Variants in STRN4 observed in about 807,000 individuals in gnomAD.
The protein encoded by STRN4 is striatin 4, also known as striatin-4.
Under a neutral mutation model 77.9 loss-of-function variants are expected in STRN4, and 27 were observed. The observed-to-expected ratio is 0.35, with a 90% CI of 0.26 to 0.48. STRN4 has a LOEUF of 0.48. Among genes scored for constraint, STRN4 ranks in the 20% least tolerant of loss-of-function variants. The pLI is 0.99. For synonymous variants in STRN4, 466 were observed against 443.1 expected (o/e 1.05, Z -0.65); for missense variants, 798 against 1,049.7 (o/e 0.76, Z 3.31).
At chr19:46,734,591 G>C (rs752397358) in intron 4 of STRN4, among the ~76,000 whole-genome samples, 3 of 152,138 alleles carry the variant, frequency 2.0e-5, no homozygotes, top group Non-Finnish European at 4.4e-5. Context: ...TTCCTCCATA[G>C]GACCAAAGGA....
chr19:46,733,087 C>G lies in STRN4; in HGVS notation c.689G>C (p.Ser230Thr). 6.2e-7 allele frequency: 1 copy of G among 1,613,664 alleles called. No homozygotes were observed. Among genetic ancestry groups the G allele is most frequent in the Non-Finnish European group, 8.5e-7 (1 of 1,179,876 alleles). Residue 230 changes from serine (S) to threonine (T), a missense_variant, in exon 5 of 18, where the codon AGT (serine) becomes ACT (threonine). Coordinates refer to ENST00000263280, the MANE Select transcript of STRN4 (RefSeq NM_013403.3). This position sits in a 1 kb window ranked among gnomAD's most constrained non-coding sequence, Gnocchi z 4.3. ...PRAPPGPAGL[S>T]GGESLLVKQI... ...TTTCACCAGCAGCGACTCCCCACCA[C>G]TGAGCCCTGCAGGGCCTGGTGGAGC... is the stretch of plus-strand genomic sequence containing the variant.
intron 5 of STRN4, 77 bp downstream of exon 5, chr19:46,732,962 A>C: frequency 6.6e-7 from 1 of 1,516,140 alleles, no homozygotes; most frequent in Non-Finnish European, 8.9e-7. Flanking sequence ...CAGCGCCATC[A>C]GCTGACACTC....
Position 46,727,925 on chromosome 19 carries a change from A to G in STRN4, c.1122T>C (p.Pro374=). The change falls in exon 8 of 18, where the codon CCT becomes CCC. Residue 374 remains proline (P), a synonymous_variant. Transcript: ENST00000263280. ...DGLPPKVTGP[P]PGTPQPRPHE... ...GTGGCCGGGGCTGGGGTGTGCCAGG[A>G]GGCGGGCCAGTCACTTTTGGGGGCA... 1 of 1,612,482 alleles carries G rather than the reference A, an allele frequency of 6.2e-7. No individual in the cohort carries two copies. The highest frequency in any genetic ancestry group is 8.5e-7 in the Non-Finnish European group (1 of 1,179,110).
intron 17 of STRN4, 24 bp downstream of exon 17, chr19:46,720,512 A>C: frequency 7.1e-7 from 1 of 1,400,952 alleles, no homozygotes; most frequent in Non-Finnish European, 9.4e-7. Context: ...GCAGAGACTC[A>C]GAATGCGGGG....
intron 16 of STRN4, chr19:46,721,781 C>T (rs532217077): frequency 3.2e-5 from 18 of 566,646 alleles, no homozygotes; most frequent in Admixed American, 3.1e-4. Context: ...GCTTAGAGGC[C>T]GAATGAGACG....
intron 1 of STRN4, among the ~76,000 whole-genome samples, chr19:46,743,609 TCTACCGAC>T: frequency 6.6e-6 from 1 of 152,084 alleles, no homozygotes; most frequent in South Asian, 2.1e-4. Context: ...GGCTTAAAAG[TCTACCGAC>T]GGTCGGGCAT....
intron 16 of STRN4, 98 bp downstream of exon 16, chr19:46,721,888 T>C (rs2053985917): frequency 1.5e-6 from 2 of 1,369,858 alleles, no homozygotes; most frequent in Non-Finnish European, 1.0e-6. Context: ...CCCCCAGCCC[T>C]GGCCCCCGGG....
At chr19:46,743,666 G>A (rs1224954772) in intron 1 of STRN4, among the ~76,000 whole-genome samples, 1 of 152,114 alleles carries the variant, frequency 6.6e-6, no homozygotes, top group African/African-American at 2.4e-5. Flanking sequence ...TTGGGAGGCC[G>A]AGGCAGGTGG....
At chr19:46,724,678 CAG>C (rs747766465) in intron 12 of STRN4, 127 bp downstream of exon 12, 42 of 1,395,704 alleles carry the variant, frequency 3.0e-5, no homozygotes, top group African/African-American at 7.1e-5. Flanking sequence ...ACAGAGCAGA[CAG>C]GGGAGCCGTC....
intron 1 of STRN4, among the ~76,000 whole-genome samples, chr19:46,743,776 A>G (rs1424334546): frequency 6.6e-6 from 1 of 151,910 alleles, no homozygotes; most frequent in Non-Finnish European, 1.5e-5. Flanking sequence ...GGTGGTGCAC[A>G]CCTGTAATCC....
At chr19:46,739,142 A>C (rs1052233735) in intron 1 of STRN4, among the ~76,000 whole-genome samples, 4 of 152,168 alleles carry the variant, frequency 2.6e-5, no homozygotes, top group Non-Finnish European at 4.4e-5. Flanking sequence ...CTGAGATAAC[A>C]ATGGGGCCAG....
chr19:46,745,224 T>C (rs1291044922), intron 1 of STRN4, among the ~76,000 whole-genome samples: 3 of 151,936 alleles, frequency 2.0e-5, no homozygotes, highest in African/African-American at 7.3e-5. Context: ...ACCTACATCC[T>C]ACAACACACG....
In STRN4 at chr19:46,728,025, A is replaced by G. The variant is rs745760263; in HGVS notation, c.1040-18T>C. ...ACGGCTTTCTGCAGGGTCGAGGCAT[A>G]GGGCCGGAGTCACCCAGCAGTTCCA... is the stretch of plus-strand genomic sequence containing the variant. On this transcript the variant is annotated intron_variant, in intron 7 of 17. Transcript: ENST00000263280. 3 of 1,609,986 alleles carry G rather than the reference A, an allele frequency of 1.9e-6. No individual in the cohort carries two copies. The highest frequency in any genetic ancestry group is 2.5e-6 in the Non-Finnish European group (3 of 1,178,216).
chr19:46,725,542 G>A lies in STRN4; in HGVS notation c.1355C>T (p.Ala452Val), dbSNP rs2054090834. 6.2e-7 allele frequency: 1 copy of A among 1,614,106 alleles called. No individual in the cohort carries two copies. The highest frequency in any genetic ancestry group is 8.5e-7 in the Non-Finnish European group (1 of 1,180,050). The change falls in exon 10 of 18, where the codon GCT becomes GTT. Residue 452 changes from alanine to valine, a missense_variant. This residue lies in a region of STRN4 where 287 missense variants were observed against 473.8 expected (regional missense o/e 0.61). Coordinates refer to ENST00000263280, the MANE Select transcript of STRN4 (RefSeq NM_013403.3). ...GCCGTCCTCGGAGGCGGTGAGCAGA[G>A]CCGACTGGCTGTGGTGGAAGGCCAG... ...RSLAFHHSQSALLTASEDGTL... is the reference protein window; with the variant it reads ...RSLAFHHSQSVLLTASEDGTL...
At position 46,738,138 on chromosome 19, in the gene STRN4, C is replaced by G; in HGVS notation, c.460+26G>C. 6.2e-7 allele frequency: 1 copy of G among 1,611,298 alleles called. No homozygotes were observed. Among genetic ancestry groups the G allele is most frequent in the South Asian group, 1.1e-5 (1 of 91,042 alleles). ...CTCAGCTTCTGCGGGAGGGTGCCGA[C>G]AGTGCGAGCATCAGAGGGTGGGTAC... On this transcript the variant is annotated intron_variant, in intron 3 of 17. Transcript: ENST00000263280. The surrounding 1 kb of genome is among the most constrained non-coding windows in gnomAD (Gnocchi z 4.5).
In STRN4 at chr19:46,738,407, C is replaced by T. The variant is rs2054411811; in HGVS notation, c.387-170G>A. Among the ~76,000 whole-genome samples, 1 of 152,100 alleles carries T rather than the reference C, an allele frequency of 6.6e-6. No individual in the cohort carries two copies. The highest frequency in any genetic ancestry group is 2.1e-4 in the South Asian group (1 of 4,832). On this transcript the variant is annotated intron_variant, in intron 2 of 17. Transcript: ENST00000263280. This position sits in a 1 kb window ranked among gnomAD's most constrained non-coding sequence, Gnocchi z 4.5. ...CCCTGGCCTGGTGGAAGAAACCACT[C>T]CCTGGAGTCAGGCAACCTAGGTTGC...
intron 3 of STRN4, among the ~76,000 whole-genome samples, chr19:46,737,900 C>G (rs1392547368): frequency 6.6e-6 from 1 of 152,178 alleles, no homozygotes; most frequent in Non-Finnish European, 1.5e-5. Flanking sequence ...GCCCACTCCT[C>G]GCAAAGGGAT....
rs753642535 is a variant in STRN4, at chr19:46,727,464, G to A, written c.1236C>T (p.Asp412=). Residue 412 remains aspartate (D), a synonymous_variant, in exon 9 of 18, where the codon GAC becomes GAT. Transcript: ENST00000263280. ...CCGGAGAACTTACATCGCAGCTGAG[G>A]TCGTTGTCGTTGGTGACGGTGAGAT... ...LADLTVTNDN[D]LSCDLSDSKD... 6.8e-6 allele frequency: 11 copies of A among 1,613,798 alleles called. No individual in the cohort carries two copies. In the African/African-American group the frequency reaches 1.3e-4, roughly 20 times the overall value.
At chr19:46,742,436 G>A (rs753438189) in intron 1 of STRN4, among the ~76,000 whole-genome samples, 2 of 152,178 alleles carry the variant, frequency 1.3e-5, no homozygotes, top group Non-Finnish European at 2.9e-5. Flanking sequence ...GCTCTTAAGG[G>A]ATCTCACAGG....
Sources: allele counts gnomAD v4.1 joint callset (sites outside exome capture counted in the v4.1 genomes callset), GRCh38; gene constraint gnomAD v4.1.1; regional missense constraint gnomAD v4.1.1; non-coding constraint Gnocchi (gnomAD v3.1); transcripts MANE v1.5; gene names NCBI Gene and HGNC (gene_info 2026-07-23, HGNC 2026-07-21).